SAMM50: variants seen among roughly 807,000 people sequenced by gnomAD.
The protein encoded by SAMM50 is sorting and assembly machinery component 50 homolog.
Under a neutral mutation model 66.9 loss-of-function variants are expected in SAMM50, and 47 were observed. That is an observed-to-expected ratio of 0.70 (90% confidence interval 0.56 to 0.90). SAMM50 has a LOEUF of 0.90. Among genes scored for constraint, SAMM50 ranks in the 40% least tolerant of loss-of-function variants. The probability of loss-of-function intolerance (pLI) is 0.00; values close to 1 mark genes in which losing one functional copy is unlikely to be tolerated. For missense variants in SAMM50, 535 were observed against 595.3 expected, an observed-to-expected ratio of 0.90 and a Z score of 1.05; for synonymous variants, 191 against 214.1, an observed-to-expected ratio of 0.89 and a Z score of 0.94.
chr22:43,964,914 C>T (rs932863290), intron 3 of SAMM50, among the ~76,000 whole-genome samples: 22 of 152,264 alleles, frequency 1.4e-4, no homozygotes, highest in East Asian at 1.9e-4. Flanking sequence ...TTGCCAACCC[C>T]GTGGGGTGGG....
At chr22:43,966,679 G>GGT (rs1474028402) in intron 3 of SAMM50, among the ~76,000 whole-genome samples, 4 of 152,162 alleles carry the variant, frequency 2.6e-5, no homozygotes, top group Non-Finnish European at 5.9e-5. Flanking sequence ...TCTTACAGCA[G>GGT]TCCATGAGAC....
At chr22:43,960,600 G>T (rs62228002) in intron 1 of SAMM50, among the ~76,000 whole-genome samples, 21,614 of 151,994 alleles carry the variant, frequency 0.14, 1,736 homozygotes, top group South Asian at 0.22. Flanking sequence ...ATAGTGGCAC[G>T]CACCTGTAAT....
At position 43,983,436 on chromosome 22, in the gene SAMM50, G is replaced by A. The variant is rs1472571137; in HGVS notation, c.1008-497G>A. 6.6e-6 allele frequency among the ~76,000 whole-genome samples: 1 copy of A among 152,178 alleles called. No homozygotes were observed. The highest frequency in any genetic ancestry group is 1.5e-5 in the Non-Finnish European group (1 of 68,034). On this transcript the variant is annotated intron_variant, in intron 11 of 14. Transcript: ENST00000350028. The surrounding 1 kb of genome is among the most constrained non-coding windows in gnomAD (Gnocchi z 4.2). Reference sequence around the variant, plus strand: ...CAATCCAGTTCATTAGGGAACAAGAGGAGCTCATATTTAAAAATTATAAAC... The same window carrying A: ...CAATCCAGTTCATTAGGGAACAAGAAGAGCTCATATTTAAAAATTATAAAC...
chr22:43,983,078 A>C lies in SAMM50; in HGVS notation c.1008-855A>C, dbSNP rs1163572237. Reference sequence around the variant, plus strand: ...AACTCAAATTAAAATGAAAAAATTCATAAAGGCTTTTATTTGGTAGGAAAA... The same window carrying C: ...AACTCAAATTAAAATGAAAAAATTCCTAAAGGCTTTTATTTGGTAGGAAAA... On this transcript the variant is annotated intron_variant, in intron 11 of 14. Coordinates refer to ENST00000350028, the MANE Select transcript of SAMM50 (RefSeq NM_015380.5). The surrounding 1 kb of genome is among the most constrained non-coding windows in gnomAD (Gnocchi z 4.2). Among the ~76,000 whole-genome samples the C allele has an allele frequency of 6.6e-6, 1 of 152,248 alleles. No homozygotes were observed. Among genetic ancestry groups the C allele is most frequent in the Non-Finnish European group, 1.5e-5 (1 of 68,050 alleles).
At chr22:43,961,809 T>C (rs1033700588) in intron 1 of SAMM50, among the ~76,000 whole-genome samples, 8 of 152,126 alleles carry the variant, frequency 5.3e-5, no homozygotes, top group African/African-American at 1.9e-4. Context: ...TCTTGAACTC[T>C]TGGGCTCAAG....
rs141350274 is a variant in SAMM50, at chr22:43,960,416, G to A, written c.22-2870G>A. ...CCACAAATATTTATTGAGTACTTCCGAGGTGCCAGGGCAGATAAAAATAAG... is the reference window on the plus strand; with the variant it reads ...CCACAAATATTTATTGAGTACTTCCAAGGTGCCAGGGCAGATAAAAATAAG... On this transcript the variant is annotated intron_variant, in intron 1 of 14. Coordinates refer to ENST00000350028, the MANE Select transcript of SAMM50 (RefSeq NM_015380.5). 3.9e-4 allele frequency among the ~76,000 whole-genome samples: 60 copies of A among 152,158 alleles called. 2 individuals carry two copies. The East Asian group carries it at 0.01, about 26-fold the overall frequency.
In SAMM50 at chr22:43,959,042, G is replaced by A. The variant is rs1276902966; in HGVS notation, c.21+3444G>A. 2.3e-5 allele frequency among the ~76,000 whole-genome samples: 3 copies of A among 132,690 alleles called. No individual in the cohort carries two copies. The Admixed American group carries it at 2.4e-4, about 11-fold the overall frequency. 87.0% of individuals were successfully genotyped at this position (132,690 alleles called of 152,430 possible). A position where few individuals can be genotyped will look rare whatever the true frequency, so the allele number is the denominator to read the frequency against. Reference sequence around the variant, plus strand: ...TCTTTTTTTTTTTTTTTTTTGAGATGGAGTCTTGCTCTGTCTCCCAGGCTG... The same window carrying A: ...TCTTTTTTTTTTTTTTTTTTGAGATAGAGTCTTGCTCTGTCTCCCAGGCTG... On this transcript the variant is annotated intron_variant, in intron 1 of 14. Coordinates refer to ENST00000350028, the MANE Select transcript of SAMM50 (RefSeq NM_015380.5).
At chr22:43,989,773 C>T (rs1338313543) in intron 13 of SAMM50, among the ~76,000 whole-genome samples, 3 of 152,098 alleles carry the variant, frequency 2.0e-5, no homozygotes, top group Non-Finnish European at 4.4e-5. Flanking sequence ...GAAAAATAAT[C>T]ATCTAATGCC....
chr22:43,964,723 G>A (rs1402416524), intron 3 of SAMM50, among the ~76,000 whole-genome samples, 170 bp downstream of exon 3: 2 of 152,148 alleles, frequency 1.3e-5, no homozygotes, highest in Non-Finnish European at 2.9e-5. Flanking sequence ...AATTCCTGTG[G>A]TGCCTCCTAC....
intron 11 of SAMM50, among the ~76,000 whole-genome samples, chr22:43,981,796 T>G (rs546460725): frequency 1.6e-4 from 24 of 152,378 alleles, no homozygotes; most frequent in Admixed American, 1.0e-3. Flanking sequence ...AGAAATTCTT[T>G]ATAAGCAGCA....
At chr22:43,974,791 G>A (rs917564697) in intron 7 of SAMM50, 6 of 152,254 alleles carry the variant, frequency 3.9e-5, no homozygotes, top group African/African-American at 1.4e-4. Flanking sequence ...GGGCTCCCGG[G>A]AGCTTAGCCA....
chr22:43,958,519 C>T (rs192170678), intron 1 of SAMM50, among the ~76,000 whole-genome samples: 202 of 127,708 alleles, frequency 1.6e-3, no homozygotes, highest in African/African-American at 6.0e-3. Context: ...TTCTCTGTCA[C>T]CCAGGCTGGA....
intron 2 of SAMM50, among the ~76,000 whole-genome samples, chr22:43,964,160 G>T (rs1316831209): frequency 1.3e-5 from 2 of 152,222 alleles, no homozygotes; most frequent in Non-Finnish European, 2.9e-5. Context: ...AGGAAGGACA[G>T]AGGGGTTGTC....
intron 14 of SAMM50, among the ~76,000 whole-genome samples, chr22:43,991,569 C>T (rs938116184): frequency 2.0e-5 from 3 of 152,136 alleles, no homozygotes; most frequent in Admixed American, 2.0e-4. Flanking sequence ...CACCCAGCTG[C>T]GTTGTGTAAA....
intron 10 of SAMM50, among the ~76,000 whole-genome samples, chr22:43,979,252 T>C (rs907656724): frequency 1.1e-4 from 17 of 152,232 alleles, no homozygotes; most frequent in Admixed American, 7.2e-4. Flanking sequence ...CTGCTGCCTG[T>C]GTGTAGCAAC....
At chr22:43,980,499 G>A (rs1375803829) in intron 10 of SAMM50, among the ~76,000 whole-genome samples, 1 of 151,574 alleles carries the variant, frequency 6.6e-6, no homozygotes, top group East Asian at 2.0e-4. Context: ...GTAGGACAGC[G>A]GGACACCTCG....
In SAMM50 at chr22:43,977,010, C is replaced by A. The variant is rs1185281425; in HGVS notation, c.849+189C>A. 4.6e-5 allele frequency among the ~76,000 whole-genome samples: 7 copies of A among 152,214 alleles called. No homozygotes were observed. The South Asian group carries it at 1.0e-3, about 23-fold the overall frequency. The stretch of plus-strand genomic sequence containing the variant: ...CCAGCCCGGAAATTGCTCCCTACCC[C>A]CTGCAGTTCAGTCTTGTGCCTTCAC... On this transcript the variant is annotated intron_variant, in intron 9 of 14. Transcript: ENST00000350028.
chr22:43,980,314 G>A (rs1250257243), intron 10 of SAMM50, among the ~76,000 whole-genome samples: 1 of 145,448 alleles, frequency 6.9e-6, no homozygotes, highest in East Asian at 2.1e-4. Flanking sequence ...AAACCTATAA[G>A]CTAGTATCTT....
At position 43,959,453 on chromosome 22, in the gene SAMM50, G is replaced by A. The variant is rs368112374; in HGVS notation, c.22-3833G>A. Among the ~76,000 whole-genome samples, 4 of 151,362 alleles carry A rather than the reference G, an allele frequency of 2.6e-5. No individual in the cohort carries two copies. In the South Asian group the frequency reaches 6.3e-4, roughly 24 times the overall value. On this transcript the variant is annotated intron_variant, in intron 1 of 14. Coordinates refer to ENST00000350028, the MANE Select transcript of SAMM50 (RefSeq NM_015380.5). ...ACACTTATTGACTGACTGGTAGACC[G>A]ATCTGCTTAAAGGTTAAAGGCTACA...
Sources: gnomAD v4.1 joint callset for allele counts (sites outside exome capture counted in the v4.1 genomes callset) on GRCh38, gnomAD v4.1.1 for gene constraint, Gnocchi (gnomAD v3.1) non-coding constraint, MANE v1.5 for transcripts, NCBI Gene and HGNC (gene_info 2026-07-23, HGNC 2026-07-21) for gene names.